Variants in CDKN2B-AS1 observed in about 807,000 individuals in gnomAD.
CDKN2B-AS1 encodes the protein CDKN2B and CDKN2A antisense cis and trans regulatory RNA 1, also known as CDKN2B antisense RNA 1 (non-protein coding).
In CDKN2B-AS1 at chr9:21,999,559, T is replaced by C. The variant is rs530336845; in HGVS notation, n.29+4398T>C. ...TACATATGTATATATGGATAGATTT[T>C]ACACCTACAGACACATTTAGATATG... On this transcript the variant is annotated intron_variant and non_coding_transcript_variant, in intron 1 of 4. Coordinates refer to ENST00000650946, the Ensembl canonical transcript of CDKN2B-AS1. This position sits in a 1 kb window ranked among gnomAD's most constrained non-coding sequence, Gnocchi z 4.7. Among the ~76,000 whole-genome samples the C allele has an allele frequency of 6.6e-6, 1 of 152,254 alleles. No homozygotes were observed. Among genetic ancestry groups the C allele is most frequent in the South Asian group, 2.1e-4 (1 of 4,828 alleles).
At position 22,010,802 on chromosome 9, in the gene CDKN2B-AS1, A is replaced by G. The variant is rs543064717; in HGVS notation, n.29+15641A>G. ...TCTTATGCTCTTGTTTTGACCTTTG[A>G]GTTTCTCTGAAACTTATCAGAAAAG... On this transcript the variant is annotated intron_variant and non_coding_transcript_variant, in intron 1 of 4. Coordinates refer to ENST00000650946, the Ensembl canonical transcript of CDKN2B-AS1. Among the ~76,000 whole-genome samples, 24 of 152,160 alleles carry G rather than the reference A, an allele frequency of 1.6e-4. 1 individual carries two copies. The highest frequency in any genetic ancestry group is 3.2e-4 in the Non-Finnish European group (22 of 68,028).
chr9:22,015,694 T>A (rs976325460), intron 1 of CDKN2B-AS1, among the ~76,000 whole-genome samples: 9 of 152,208 alleles, frequency 5.9e-5, no homozygotes, highest in Middle Eastern at 3.2e-3. Flanking sequence ...ATGTGCAGGT[T>A]AGTTACATAT....
rs1280993516 is a variant in CDKN2B-AS1, at chr9:22,001,755, G to C, written n.29+6594G>C. On this transcript the variant is annotated intron_variant and non_coding_transcript_variant, in intron 1 of 4. Transcript: ENST00000650946. The surrounding 1 kb of genome is among the most constrained non-coding windows in gnomAD (Gnocchi z 4.2). Reference sequence around the variant, plus strand: ...AGGCAAGAAAGGAGTAATTTCATTTGGATAGCTGAAATTGAGAAACGTTTT... The same window carrying C: ...AGGCAAGAAAGGAGTAATTTCATTTCGATAGCTGAAATTGAGAAACGTTTT... 1.3e-5 allele frequency among the ~76,000 whole-genome samples: 2 copies of C among 152,070 alleles called. No individual in the cohort carries two copies. Among genetic ancestry groups the C allele is most frequent in the East Asian group, 3.8e-4 (2 of 5,198 alleles).
At chr9:22,099,398 A>G (rs1825402838) in intron 4 of CDKN2B-AS1, among the ~76,000 whole-genome samples, 1 of 152,220 alleles carries the variant, frequency 6.6e-6, no homozygotes, top group Admixed American at 6.5e-5. Context: ...CTTTGGCAGG[A>G]TAAGAGACAA....
intron 1 of CDKN2B-AS1, chr9:22,008,874 A>G: frequency 6.2e-7 from 1 of 1,612,120 alleles, no homozygotes; most frequent in Non-Finnish European, 8.5e-7. Flanking sequence ...CACCTTCTCC[A>G]CTAGTCCCCG....
intron 1 of CDKN2B-AS1, chr9:22,029,617 T>C (rs1049857112): frequency 1.5e-6 from 1 of 679,388 alleles, no homozygotes; most frequent in South Asian, 1.8e-5. Flanking sequence ...TGGGAAACCA[T>C]CATCTTTCAG....
At chr9:22,085,488 A>T (rs1195376748) in intron 4 of CDKN2B-AS1, among the ~76,000 whole-genome samples, 2 of 152,158 alleles carry the variant, frequency 1.3e-5, no homozygotes, top group African/African-American at 2.4e-5. Flanking sequence ...TGGGAGGCTG[A>T]GGCGGGCGGA....
At chr9:22,012,486 G>C in intron 1 of CDKN2B-AS1, 1 of 678,332 alleles carries the variant, frequency 1.5e-6, no homozygotes, top group South Asian at 1.4e-5. Flanking sequence ...GTCAATTGCC[G>C]CAAGAAGAAG....
At chr9:22,047,949 G>A (rs775460525) in intron 2 of CDKN2B-AS1, among the ~76,000 whole-genome samples, 4 of 136,324 alleles carry the variant, frequency 2.9e-5, no homozygotes, top group East Asian at 2.6e-4. Context: ...TCCCATGTGC[G>A]GCTAATTTTT....
intron 1 of CDKN2B-AS1, among the ~76,000 whole-genome samples, chr9:22,007,158 G>A (rs962824369): frequency 3.9e-5 from 6 of 152,076 alleles, no homozygotes; most frequent in Non-Finnish European, 8.8e-5. Flanking sequence ...TCAGGAGTTC[G>A]AGACCAGCCT....
intron 1 of CDKN2B-AS1, chr9:22,008,779 GCCCTGGGGCCCCAGCTACCTGGAT>G: frequency 6.2e-7 from 1 of 1,607,682 alleles, no homozygotes; most frequent in Non-Finnish European, 8.5e-7. Flanking sequence ...TGCCGGCGAG[GCCCTGGGGCCCCAGCTACCTGGAT>G]CGCGCGCCTC....
chr9:22,126,162 T>C (rs1200340787), intron 4 of CDKN2B-AS1, among the ~76,000 whole-genome samples: 1 of 152,208 alleles, frequency 6.6e-6, no homozygotes, highest in Non-Finnish European at 1.5e-5. Flanking sequence ...TTGGTCTTAC[T>C]GTCTCAAGGG....
chr9:22,108,116 G>C (rs1825706969), intron 4 of CDKN2B-AS1, among the ~76,000 whole-genome samples: 1 of 152,082 alleles, frequency 6.6e-6, no homozygotes, highest in Admixed American at 6.6e-5. Context: ...ATATTAGTTT[G>C]GGCCTTCTAT....
intron 1 of CDKN2B-AS1, among the ~76,000 whole-genome samples, chr9:22,018,342 C>G (rs1821868591): frequency 6.7e-6 from 1 of 149,736 alleles, no homozygotes; most frequent in Non-Finnish European, 1.5e-5. Context: ...TTGACTGAAG[C>G]CATACTTACA....
chr9:22,029,414 T>C, intron 1 of CDKN2B-AS1: 1 of 779,140 alleles, frequency 1.3e-6, no homozygotes, highest in Non-Finnish European at 2.4e-6. Flanking sequence ...CAAATCCAGA[T>C]TTTTTGGATG....
In CDKN2B-AS1 at chr9:22,000,622, C is replaced by A. The variant is rs1344533012; in HGVS notation, n.29+5461C>A. On this transcript the variant is annotated intron_variant and non_coding_transcript_variant, in intron 1 of 4. Transcript: ENST00000650946. This position sits in a 1 kb window ranked among gnomAD's most constrained non-coding sequence, Gnocchi z 4.1. ...AGGAGCCATGCCATATACATCTTTA[C>A]AACAGTCACCCTCTAGAAGAAAACT... 6.6e-6 allele frequency among the ~76,000 whole-genome samples: 1 copy of A among 152,146 alleles called. No homozygotes were observed. Among genetic ancestry groups the A allele is most frequent in the African/African-American group, 2.4e-5 (1 of 41,436 alleles).
At chr9:22,104,633 C>T (rs893949049) in intron 4 of CDKN2B-AS1, among the ~76,000 whole-genome samples, 2 of 152,204 alleles carry the variant, frequency 1.3e-5, no homozygotes, top group Non-Finnish European at 2.9e-5. Flanking sequence ...ATTATATTTA[C>T]CTACTCTTTC....
At position 22,005,903 on chromosome 9, in the gene CDKN2B-AS1, G is replaced by T; in HGVS notation, n.29+10742G>T. ...TACAGGCTTTCCGCCGCTCCCCGTT[G>T]GCAGCCTTCATCGAATTAGGTGGGT... On this transcript the variant is annotated intron_variant and non_coding_transcript_variant, in intron 1 of 4. Coordinates refer to ENST00000650946, the Ensembl canonical transcript of CDKN2B-AS1. This position sits in a 1 kb window ranked among gnomAD's most constrained non-coding sequence, Gnocchi z 4.9. The T allele has an allele frequency of 6.5e-7, 1 of 1,539,894 alleles. No individual in the cohort carries two copies. The highest frequency in any genetic ancestry group is 8.8e-7 in the Non-Finnish European group (1 of 1,142,050).
chr9:22,016,802 A>T (rs1303143548), intron 1 of CDKN2B-AS1, among the ~76,000 whole-genome samples: 1 of 152,224 alleles, frequency 6.6e-6, no homozygotes, highest in Non-Finnish European at 1.5e-5. Context: ...TTAATTCAAG[A>T]TGGATTAAAG....
Sources: allele counts gnomAD v4.1 joint callset (sites outside exome capture counted in the v4.1 genomes callset), GRCh38; gene constraint gnomAD v4.1.1; non-coding constraint Gnocchi (gnomAD v3.1); transcripts MANE v1.5; gene names NCBI Gene and HGNC (gene_info 2026-07-23, HGNC 2026-07-21).